KIAA1217: variants seen among roughly 807,000 people sequenced by gnomAD.
The protein encoded by KIAA1217 is KIAA1217, also known as sickle tail protein homolog.
KIAA1217 carries 88 observed loss-of-function variants against 163.9 expected under a neutral mutation model. The observed-to-expected ratio is 0.54, with a 90% CI of 0.45 to 0.64. The LOEUF is 0.64. Among genes scored for constraint, KIAA1217 ranks in the 30% least tolerant of loss-of-function variants. The pLI is 0.00. For synonymous variants in KIAA1217, 903 were observed against 923.1 expected (o/e 0.98, Z 0.39); for missense variants, 2,372 against 2,475.0 (o/e 0.96, Z 0.88).
chr10:23,756,347 TA>T (rs1452133985), intron 1 of KIAA1217, among the ~76,000 whole-genome samples: 2 of 152,114 alleles, frequency 1.3e-5, no homozygotes, highest in Admixed American at 1.3e-4. Flanking sequence ...ATTAATATTT[TA>T]AAAAACAACA....
At chr10:24,334,458 A>AGGAG (rs1238537527) in intron 2 of KIAA1217, among the ~76,000 whole-genome samples, 1 of 148,960 alleles carries the variant, frequency 6.7e-6, no homozygotes, top group Admixed American at 6.7e-5. Context: ...GAAGGAAGGA[A>AGGAG]GGAAGGAAGG....
intron 2 of KIAA1217, among the ~76,000 whole-genome samples, chr10:24,344,327 A>G (rs2047462526): frequency 6.6e-6 from 1 of 152,254 alleles, no homozygotes. Flanking sequence ...AATCAGACAG[A>G]AAACTGTTCG....
intron 13 of KIAA1217, among the ~76,000 whole-genome samples, chr10:24,527,499 TAA>T (rs35172680): frequency 9.9e-5 from 14 of 142,046 alleles, no homozygotes; most frequent in Admixed American, 1.4e-4. Context: ...CATTGCTACT[TAA>T]AAAAAAAAAA....
At chr10:23,820,979 T>A (rs1176433730) in intron 1 of KIAA1217, among the ~76,000 whole-genome samples, 1 of 152,108 alleles carries the variant, frequency 6.6e-6, no homozygotes, top group Non-Finnish European at 1.5e-5. Flanking sequence ...GTGCTTATGT[T>A]GTGTGGGTGA....
intron 1 of KIAA1217, among the ~76,000 whole-genome samples, chr10:23,754,219 CG>C (rs1447626247): frequency 6.6e-6 from 1 of 152,060 alleles, no homozygotes; most frequent in Non-Finnish European, 1.5e-5. Flanking sequence ...ATGAATAACA[CG>C]GGGAAGGCAA....
intron 1 of KIAA1217, among the ~76,000 whole-genome samples, chr10:23,810,415 A>T (rs894454195): frequency 6.9e-6 from 1 of 144,748 alleles, no homozygotes; most frequent in African/African-American, 2.5e-5. Context: ...TATAATATAT[A>T]TACACACACG....
intron 3 of KIAA1217, among the ~76,000 whole-genome samples, chr10:24,427,755 G>A (rs545536515): frequency 7.2e-5 from 11 of 152,316 alleles, no homozygotes; most frequent in South Asian, 2.1e-4. Flanking sequence ...AACTTGGAGC[G>A]AGGAAGCCTG....
Position 23,746,135 on chromosome 10 carries a change from T to A in KIAA1217, c.-321+50901T>A, listed in dbSNP as rs117038696. Reference sequence around the variant, plus strand: ...GTCATGGGGGCAGATCCCTCATGAATGGCTTGGTGCCATCCAAGCAGTAAT... The same window carrying A: ...GTCATGGGGGCAGATCCCTCATGAAAGGCTTGGTGCCATCCAAGCAGTAAT... On this transcript the variant is annotated intron_variant, in intron 1 of 18. Transcript: ENST00000376462. Among the ~76,000 whole-genome samples the A allele has an allele frequency of 1.1e-3, 175 of 152,330 alleles. 12 individuals carry two copies. The East Asian group carries it at 0.027, about 23-fold the overall frequency.
At chr10:23,908,694 A>G (rs1007925739) in intron 1 of KIAA1217, among the ~76,000 whole-genome samples, 1 of 152,112 alleles carries the variant, frequency 6.6e-6, no homozygotes, top group African/African-American at 2.4e-5. Flanking sequence ...CCTATGCACA[A>G]TGCAGTACCA....
chr10:24,219,627 A>G lies in KIAA1217; in HGVS notation c.72A>G (p.Glu24=), dbSNP rs1243791135. 6.3e-7 allele frequency: 1 copy of G among 1,581,260 alleles called. No homozygotes were observed. Residue 24 remains glutamate, a splice_region_variant and synonymous_variant, in exon 2 of 21, where the codon GAA becomes GAG. Transcript: ENST00000376454. ...GAACCGAATTTTTTTGTCTTTCAGA[A>G]CAAGGCAAAGGCAATCTGCATGTAA... ...PYSADRRQMQ[E]QGKGNLHVTS...
intron 1 of KIAA1217, among the ~76,000 whole-genome samples, chr10:23,921,063 T>C (rs1473166509): frequency 2.0e-5 from 3 of 152,206 alleles, no homozygotes; most frequent in African/African-American, 7.2e-5. Flanking sequence ...TTTTTCTTTA[T>C]AAATTACGAA....
intron 1 of KIAA1217, among the ~76,000 whole-genome samples, chr10:23,728,981 C>T (rs957647913): frequency 1.3e-5 from 2 of 152,246 alleles, no homozygotes; most frequent in Non-Finnish European, 1.5e-5. Flanking sequence ...CCCAACCCGA[C>T]TGACCTTTTT....
intron 2 of KIAA1217, among the ~76,000 whole-genome samples, chr10:24,224,560 T>C (rs1241223397): frequency 6.6e-6 from 1 of 152,082 alleles, no homozygotes; most frequent in African/African-American, 2.4e-5. Flanking sequence ...ACTCAAGTGA[T>C]CTGCGTGCCT....
intron 2 of KIAA1217, among the ~76,000 whole-genome samples, chr10:24,253,991 A>C (rs892461774): frequency 3.3e-5 from 5 of 152,208 alleles, no homozygotes; most frequent in African/African-American, 1.2e-4. Context: ...AGTTCTATGC[A>C]ATCATGTCTG....
rs188843371 is a variant in KIAA1217, at chr10:23,824,691, G to T, written c.-321+129457G>T. On this transcript the variant is annotated intron_variant, in intron 1 of 18. Coordinates refer to the KIAA1217 transcript ENST00000376462. Reference sequence around the variant, plus strand: ...TATATATATATATATATGTATATATGATATGTAAAGGAGAAAACAGGTAAA... The same window carrying T: ...TATATATATATATATATGTATATATTATATGTAAAGGAGAAAACAGGTAAA... 9.0e-3 allele frequency among the ~76,000 whole-genome samples: 1,071 copies of T among 119,264 alleles called. 11 individuals are homozygous for T. The highest frequency in any genetic ancestry group is 0.03 in the African/African-American group (989 of 32,818). 78.2% of individuals were successfully genotyped at this position (119,264 alleles called of 152,430 possible).
intron 14 of KIAA1217, among the ~76,000 whole-genome samples, chr10:24,531,031 A>T (rs911131364): frequency 1.6e-4 from 10 of 64,188 alleles, no homozygotes; most frequent in African/African-American, 1.0e-3. Context: ...CCCCGCCTGT[A>T]AAAAAAAAAA....
At chr10:24,100,223 G>A (rs2062357468) in intron 2 of KIAA1217, among the ~76,000 whole-genome samples, 1 of 151,760 alleles carries the variant, frequency 6.6e-6, no homozygotes, top group Non-Finnish European at 1.5e-5. Flanking sequence ...TAATAAGCTT[G>A]AAGTTGCTAC....
At chr10:24,236,554 A>G (rs973092088) in intron 2 of KIAA1217, among the ~76,000 whole-genome samples, 8 of 151,692 alleles carry the variant, frequency 5.3e-5, no homozygotes, top group African/African-American at 1.7e-4. Flanking sequence ...CATGTTTCTT[A>G]AGAAACAAAA....
At chr10:24,357,482 A>G (rs2134143918) in intron 2 of KIAA1217, among the ~76,000 whole-genome samples, 1 of 152,338 alleles carries the variant, frequency 6.6e-6, no homozygotes, top group East Asian at 1.9e-4. Flanking sequence ...CCTGGGCAAG[A>G]GTTAACTGGC....
Sources: gnomAD v4.1 joint callset for allele counts (sites outside exome capture counted in the v4.1 genomes callset) on GRCh38, gnomAD v4.1.1 for gene constraint, MANE v1.5 for transcripts, NCBI Gene and HGNC (gene_info 2026-07-23, HGNC 2026-07-21) for gene names.